Variants in LGI2 observed in about 807,000 individuals in gnomAD.
LGI2 encodes leucine-rich repeat LGI family member 2.
In LGI2, 30 loss-of-function variants were observed where a neutral mutation model predicts 52.0. The observed-to-expected ratio is 0.58, with a 90% CI of 0.43 to 0.78. The LOEUF (loss-of-function observed/expected upper bound fraction) is 0.78. Among genes scored for constraint, LGI2 ranks in the 30% least tolerant of loss-of-function variants. The probability of loss-of-function intolerance (pLI) is 0.00; values close to 1 mark genes in which losing one functional copy is unlikely to be tolerated. For synonymous variants in LGI2, 270 were observed against 271.8 expected, an observed-to-expected ratio of 0.99 and a Z score of 0.06; for missense variants, 573 against 692.5, an observed-to-expected ratio of 0.83 and a Z score of 1.94.
chr4:25,010,237 G>A (rs1184863400), intron 7 of LGI2, among the ~76,000 whole-genome samples: 7 of 151,964 alleles, frequency 4.6e-5, no homozygotes, highest in Admixed American at 1.3e-4. Context: ...CCGAGACTGC[G>A]CCACTGCACT....
intron 7 of LGI2, among the ~76,000 whole-genome samples, chr4:25,010,327 G>A (rs1725539137): frequency 2.6e-5 from 4 of 152,130 alleles, no homozygotes. Flanking sequence ...GTCCTACCAA[G>A]GTCAACCTGG....
intron 7 of LGI2, 49 bp downstream of exon 7, chr4:25,012,286 C>T (rs1316770404): frequency 6.2e-6 from 10 of 1,603,732 alleles, no homozygotes; most frequent in South Asian, 5.5e-5. Flanking sequence ...CGCGGGCTTG[C>T]CGCAATGCTG....
chr4:25,009,830 TTCA>T (rs1725519099), intron 7 of LGI2, among the ~76,000 whole-genome samples: 1 of 151,730 alleles, frequency 6.6e-6, no homozygotes, highest in African/African-American at 2.4e-5. Context: ...GAGACGGGGT[TTCA>T]TCATACTGGC....
At position 25,003,571 on chromosome 4, in the gene LGI2, G is replaced by A. The variant is rs2232028; in HGVS notation, c.1518C>T (p.Tyr506=). The A allele has an allele frequency of 0.52, 841,081 of 1,613,626 alleles. 233,842 individuals are homozygous for A. The highest frequency in any genetic ancestry group is 0.96 in the East Asian group (43,280 of 44,874). ...CTGTGAATGAACGAGGCGCCTGCAC[G>A]TAAATCTCCTTAAACTTTTTGAATA... is the stretch of plus-strand genomic sequence containing the variant. ...KQLFKKFKEI[Y]VQAPRSFTAV... The change falls in exon 8 of 8, where the codon TAC becomes TAT. Residue 506 remains tyrosine (Y), a synonymous_variant. Coordinates refer to ENST00000382114, the MANE Select transcript of LGI2 (RefSeq NM_018176.4).
At chr4:24,993,356 G>A in the LGI2 span, among the ~76,000 whole-genome samples, 26 of 152,298 alleles carry the variant, frequency 1.7e-4, no homozygotes, top group African/African-American at 6.3e-4. Flanking sequence ...TCTGTAAAAT[G>A]GGGATATGAA....
chr4:25,028,479 T>C (rs774178061), intron 2 of LGI2, 28 bp downstream of exon 2: 7 of 1,605,160 alleles, frequency 4.4e-6, no homozygotes, highest in Middle Eastern at 1.9e-4. Context: ...GGGCCCCCCA[T>C]TGTGCAGAGG....
At chr4:25,019,757 G>T (rs1356368457) in intron 4 of LGI2, among the ~76,000 whole-genome samples, 6 of 152,172 alleles carry the variant, frequency 3.9e-5, no homozygotes, top group East Asian at 3.8e-4. Flanking sequence ...CTTTGGGTCT[G>T]TCCTCAAGTA....
chr4:24,992,946 T>C, the LGI2 span, among the ~76,000 whole-genome samples: 1 of 152,176 alleles, frequency 6.6e-6, no homozygotes, highest in African/African-American at 2.4e-5. Context: ...AAATGGAGGG[T>C]AGCCCAGTGG....
downstream of LGI2, among the ~76,000 whole-genome samples, chr4:24,994,922 G>T (rs1246849464): frequency 6.6e-6 from 1 of 152,170 alleles, no homozygotes; most frequent in East Asian, 1.9e-4. Context: ...AGACCTTATT[G>T]TCACTAAGAA....
At chr4:25,027,444 C>A (rs1157884686) in intron 2 of LGI2, among the ~76,000 whole-genome samples, 2 of 150,202 alleles carry the variant, frequency 1.3e-5, no homozygotes, top group African/African-American at 2.5e-5. Context: ...GAGACTGTTA[C>A]TACGTAGTTT....
intron 1 of LGI2, among the ~76,000 whole-genome samples, chr4:25,029,703 G>A (rs1271237907): frequency 6.6e-6 from 1 of 152,224 alleles, no homozygotes; most frequent in Non-Finnish European, 1.5e-5. Flanking sequence ...GCCCTTTCCT[G>A]TCAGTTCCTC....
intron 7 of LGI2, among the ~76,000 whole-genome samples, chr4:25,006,054 T>C (rs1249404393): frequency 6.6e-6 from 1 of 152,230 alleles, no homozygotes; most frequent in Non-Finnish European, 1.5e-5. Context: ...TATTGAACAA[T>C]TGAAGCAATT....
intron 7 of LGI2, among the ~76,000 whole-genome samples, chr4:25,012,086 C>G (rs1725601346): frequency 6.6e-6 from 1 of 152,174 alleles, no homozygotes; most frequent in Non-Finnish European, 1.5e-5. Context: ...AAATGCCTCC[C>G]ACCACATGCA....
chr4:25,008,562 A>G (rs1405894651), intron 7 of LGI2, among the ~76,000 whole-genome samples: 2 of 151,774 alleles, frequency 1.3e-5, no homozygotes, highest in Non-Finnish European at 2.9e-5. Flanking sequence ...TCAAAAAAAA[A>G]AAAAAAAAAA....
At chr4:25,014,187 C>T (rs1725674662) in intron 6 of LGI2, among the ~76,000 whole-genome samples, 1 of 152,168 alleles carries the variant, frequency 6.6e-6, no homozygotes, top group Non-Finnish European at 1.5e-5. Flanking sequence ...CTCCCATTAG[C>T]CTCCCTACTG....
intron 7 of LGI2, among the ~76,000 whole-genome samples, chr4:25,008,551 CTCAAAA>C (rs1725468026): frequency 3.1e-5 from 2 of 65,512 alleles, no homozygotes; most frequent in African/African-American, 4.8e-5. Context: ...GAGACTCTGT[CTCAAAA>C]AAAAAAAAAA....
chr4:24,999,640 C>A lies in LGI2; in HGVS notation c.*3811G>T. ...TTTCTTTAGGTGGCATGCAAATAGA[C>A]TCCCCTCCTGCAGATCTTCATCTCA... is the stretch of plus-strand genomic sequence containing the variant. On this transcript the variant is annotated 3_prime_UTR_variant, in exon 8 of 8. Coordinates refer to ENST00000382114, the MANE Select transcript of LGI2 (RefSeq NM_018176.4). 1 of 313,970 alleles carries A rather than the reference C, an allele frequency of 3.2e-6. No individual in the cohort carries two copies. Among genetic ancestry groups the A allele is most frequent in the Non-Finnish European group, 6.3e-6 (1 of 159,586 alleles). 19.4% of individuals were successfully genotyped at this position (313,970 alleles called of 1,614,324 possible).
rs1349930185 is a variant in LGI2, at chr4:25,012,404, T to C, written c.751A>G (p.Met251Val). The C allele has an allele frequency of 4.2e-5, 68 of 1,614,132 alleles. No homozygotes were observed. The Admixed American group carries it at 1.1e-3, about 27-fold the overall frequency. Reference protein sequence around the residue: ...DVYVAIAQPSMENCMVLEWDH... With the variant: ...DVYVAIAQPSVENCMVLEWDH... ...CACTCCAGCACCATGCAGTTCTCCATGCTGGGCTGCGCGATGGCCACGTAC... is the reference window on the plus strand; with the variant it reads ...CACTCCAGCACCATGCAGTTCTCCACGCTGGGCTGCGCGATGGCCACGTAC... Residue 251 changes from methionine (M) to valine (V), a missense_variant, in exon 7 of 8, where the codon ATG becomes GTG. Met to Val is a conservative substitution (Grantham distance 21). Coordinates refer to ENST00000382114, the MANE Select transcript of LGI2 (RefSeq NM_018176.4).
downstream of LGI2, among the ~76,000 whole-genome samples, chr4:24,994,708 C>T (rs1167074183): frequency 6.6e-6 from 1 of 152,132 alleles, no homozygotes; most frequent in Non-Finnish European, 1.5e-5. Context: ...TCCAATGTAA[C>T]CCTTATCAGT....
Sources: gnomAD v4.1 joint callset for allele counts (sites outside exome capture counted in the v4.1 genomes callset) on GRCh38, gnomAD v4.1.1 for gene constraint, MANE v1.5 for transcripts, NCBI Gene and HGNC (gene_info 2026-07-23, HGNC 2026-07-21) for gene names.